Variants in CATSPER1 observed in about 807,000 individuals in gnomAD.
CATSPER1 encodes the protein cation channel sperm associated 1.
A neutral mutation model predicts 72.7 loss-of-function variants in CATSPER1; 57 were observed. The ratio of observed to expected loss-of-function variants is 0.78; its 90% CI spans 0.63 to 0.98. CATSPER1 has a LOEUF of 0.98. Among genes scored for constraint, CATSPER1 ranks in the 50% least tolerant of loss-of-function variants. The pLI is 0.00. For missense variants in CATSPER1, 910 were observed against 1,033.9 expected (o/e 0.88, Z 1.64); for synonymous variants, 363 against 403.0 (o/e 0.90, Z 1.19).
rs200037715 is a variant in CATSPER1 at position 66,020,815 on chromosome 11, G to A, written c.1923C>T (p.Ala641=). 4 of 1,613,756 alleles carry A rather than the reference G, an allele frequency of 2.5e-6. No homozygotes were observed. The highest frequency in any genetic ancestry group is 3.4e-6 in the Non-Finnish European group (4 of 1,179,988). ...DWSLIYMDSR[A]QGAWYIIPIL... ...GCAGCCTGGGGCCTGCCCTACCCTG[G>A]GCACGGCTGTCCATGTAGATGAGGG... The change falls in exon 6 of 12, where the codon GCC becomes GCT. Residue 641 remains alanine, a synonymous_variant. Coordinates refer to ENST00000312106, the MANE Select transcript of CATSPER1 (RefSeq NM_053054.4). This position sits in a 1 kb window ranked among gnomAD's most constrained non-coding sequence, Gnocchi z 4.5.
In CATSPER1 at chr11:66,020,749, G is replaced by A. The variant is rs1424347665; in HGVS notation, c.1927+62C>T. 9 of 1,610,700 alleles carry A rather than the reference G, an allele frequency of 5.6e-6. No homozygotes were observed. In the East Asian group the frequency reaches 1.8e-4, roughly 32 times the overall value. ...GCCCCACTTTGCCGATGGGGTCACT[G>A]AGCCCTGGCCGGTCCACCCCGCCAA... is the stretch of plus-strand genomic sequence containing the variant. On this transcript the variant is annotated intron_variant, in intron 6 of 11. Transcript: ENST00000312106. The surrounding 1 kb of genome is among the most constrained non-coding windows in gnomAD (Gnocchi z 4.5).
intron 9 of CATSPER1, 145 bp downstream of exon 9, chr11:66,019,995 T>C: frequency 1.4e-6 from 1 of 723,324 alleles, no homozygotes; most frequent in African/African-American, 1.8e-5. Context: ...TAGGGTCCTC[T>C]GGACTAAAGT....
intron 9 of CATSPER1, 135 bp from the exon 10 acceptor site, chr11:66,019,037 C>T: frequency 1.4e-6 from 1 of 722,968 alleles, no homozygotes; most frequent in Non-Finnish European, 2.5e-6. Context: ...TCCGGGCATG[C>T]AGCACGATGC....
Position 66,026,292 on chromosome 11 carries a change from G to A in CATSPER1, c.88C>T (p.Pro30Ser). 6.2e-7 allele frequency: 1 copy of A among 1,614,226 alleles called. No homozygotes were observed. Among genetic ancestry groups the A allele is most frequent in the Non-Finnish European group, 8.5e-7 (1 of 1,180,026 alleles). The change falls in exon 1 of 12, where the codon CCA becomes TCA. Residue 30 changes from proline to serine, a missense_variant. Transcript: ENST00000312106. ...CTGCTGTGGCCTGGCCTGTGGTGTG[G>A]GGGTGATGAGTGAGAGCGAAAGAAC... ...DRFFRSHSSP[P>S]HHRPGHSRAL...
chr11:66,017,426 A>G (rs1328716084), intron 10 of CATSPER1, among the ~76,000 whole-genome samples: 1 of 145,844 alleles, frequency 6.9e-6, no homozygotes, highest in East Asian at 2.0e-4. Flanking sequence ...CCCATTTGTC[A>G]GCCCCATTCC....
intron 1 of CATSPER1, among the ~76,000 whole-genome samples, chr11:66,023,367 G>A (rs1183169285): frequency 6.6e-6 from 1 of 151,688 alleles, no homozygotes; most frequent in Non-Finnish European, 1.5e-5. Context: ...GGAGTCCAAG[G>A]CCATGAAGTA....
intron 4 of CATSPER1, 65 bp downstream of exon 4, chr11:66,021,431 G>C (rs564210848): frequency 6.3e-7 from 1 of 1,580,574 alleles, no homozygotes; most frequent in Non-Finnish European, 8.6e-7. Context: ...ATTTCTTTGG[G>C]GCCCTGGTCT....
chr11:66,020,539 C>G lies in CATSPER1; in HGVS notation c.1991+25G>C, dbSNP rs757909225. 6.2e-7 allele frequency: 1 copy of G among 1,606,634 alleles called. No individual in the cohort carries two copies. The highest frequency in any genetic ancestry group is 2.2e-5 in the East Asian group (1 of 44,828). ...AGGAGGAAGTGTGGGTGGTGCTGGG[C>G]AGCAGAGCAGGGGTGAGTCCTCACT... On this transcript the variant is annotated intron_variant, in intron 7 of 11. Coordinates refer to ENST00000312106, the MANE Select transcript of CATSPER1 (RefSeq NM_053054.4). This position sits in a 1 kb window ranked among gnomAD's most constrained non-coding sequence, Gnocchi z 4.5.
Position 66,017,106 on chromosome 11 carries a change from C to T in CATSPER1, c.2270G>A (p.Arg757His), listed in dbSNP as rs748502205. The part of the protein sequence containing the change: ...ASVEQEQQKF[R>H]SQAAVIDEIV... ...CTCATCGATGACGGCTGCCTGGGAG[C>T]GGAACTTCTGCTGCTCCTGCTCCAC... Residue 757 changes from arginine (R) to histidine (H), a missense_variant, in exon 11 of 12, where the codon CGC becomes CAC. Arg to His is a conservative substitution (Grantham distance 29). Coordinates refer to ENST00000312106, the MANE Select transcript of CATSPER1 (RefSeq NM_053054.4). 48 of 1,605,720 alleles carry T rather than the reference C, an allele frequency of 3.0e-5. No individual in the cohort carries two copies. Among genetic ancestry groups the T allele is most frequent in the East Asian group, 6.8e-5 (3 of 44,276 alleles).
rs1414336316 is a variant in CATSPER1, at chr11:66,016,934, G to A, written c.2317-18C>T. 3 of 1,613,944 alleles carry A rather than the reference G, an allele frequency of 1.9e-6. No individual in the cohort carries two copies. The highest frequency in any genetic ancestry group is 2.5e-6 in the Non-Finnish European group (3 of 1,179,994). On this transcript the variant is annotated intron_variant, in intron 11 of 11. Coordinates refer to ENST00000312106, the MANE Select transcript of CATSPER1 (RefSeq NM_053054.4). ...TCTCCAGCCTGCAGGGGTGAGTGGG[G>A]CACTGGTGGGTGAATGAGCCAGACT...
At chr11:66,024,126 G>T (rs1335936471) in intron 1 of CATSPER1, among the ~76,000 whole-genome samples, 1 of 151,392 alleles carries the variant, frequency 6.6e-6, no homozygotes, top group Non-Finnish European at 1.5e-5. Context: ...ACCACACCCG[G>T]CTAATTTTTG....
At chr11:66,019,017 A>AGAAGCAACCTCCT in intron 9 of CATSPER1, 115 bp from the exon 10 acceptor site, 1 of 865,410 alleles carries the variant, frequency 1.2e-6, no homozygotes, top group Non-Finnish European at 1.9e-6. Context: ...CTGCTCCAGG[A>AGAAGCAACCTCCT]GGTTGCTTCT....
At chr11:66,021,308 C>T in intron 4 of CATSPER1, 123 bp from the exon 5 acceptor site, 1 of 1,213,392 alleles carries the variant, frequency 8.2e-7, no homozygotes, top group African/African-American at 1.5e-5. Context: ...TTGGGTGAGT[C>T]CTGGCCCCTC....
Position 66,020,488 on chromosome 11 carries a change from G to A in CATSPER1, c.1991+76C>T. 3 of 1,600,334 alleles carry A rather than the reference G, an allele frequency of 1.9e-6. No individual in the cohort carries two copies. The highest frequency in any genetic ancestry group is 2.6e-6 in the Non-Finnish European group (3 of 1,167,818). ...TCAGCGTGGCATGACCAGGGTGAGA[G>A]GGCTGGGGTAAGGGTCCCAGGGGAG... On this transcript the variant is annotated intron_variant, in intron 7 of 11. Transcript: ENST00000312106. The surrounding 1 kb of genome is among the most constrained non-coding windows in gnomAD (Gnocchi z 4.5).
At chr11:66,018,750 T>C (rs997053664) in intron 10 of CATSPER1, 77 bp downstream of exon 10, 2 of 1,476,342 alleles carry the variant, frequency 1.4e-6, no homozygotes, top group African/African-American at 2.8e-5. Context: ...GCAATGTCCC[T>C]TTCCCTCCAG....
At chr11:66,022,638 G>T (rs1856398692) in intron 2 of CATSPER1, among the ~76,000 whole-genome samples, 1 of 152,246 alleles carries the variant, frequency 6.6e-6, no homozygotes, top group African/African-American at 2.4e-5. Context: ...GAACAGCACC[G>T]CCTCCCGCCT....
Position 66,025,302 on chromosome 11 carries a change from C to A in CATSPER1, c.1078G>T (p.Ala360Ser), listed in dbSNP as rs1285062374. The A allele has an allele frequency of 6.2e-7, 1 of 1,614,116 alleles. No individual in the cohort carries two copies. Among genetic ancestry groups the A allele is most frequent in the South Asian group, 1.1e-5 (1 of 91,086 alleles). ...CTGGAGGACCGAGTCATGCTGTGAG[C>A]CGAGCCCCGTGGGTGTGCTACGTGA... ...PYHVAHPRGS[A>S]HSMTRSSSTI... Residue 360 changes from alanine (A) to serine (S), a missense_variant, in exon 1 of 12, where the codon GCT becomes TCT. Physicochemically the swap from Ala to Ser is moderately conservative, Grantham distance 99. Coordinates refer to ENST00000312106, the MANE Select transcript of CATSPER1 (RefSeq NM_053054.4).
intron 9 of CATSPER1, among the ~76,000 whole-genome samples, chr11:66,019,427 C>T (rs982603172): frequency 1.3e-5 from 2 of 152,074 alleles, no homozygotes; most frequent in Non-Finnish European, 2.9e-5. Context: ...CTGGTGCCCA[C>T]CACCATGCCC....
At chr11:66,017,834 G>A (rs1025789615) in intron 10 of CATSPER1, among the ~76,000 whole-genome samples, 3 of 152,228 alleles carry the variant, frequency 2.0e-5, no homozygotes, top group Non-Finnish European at 2.9e-5. Context: ...GGGCCCAGAG[G>A]AGGGAAACCT....
Sources: allele counts gnomAD v4.1 joint callset (sites outside exome capture counted in the v4.1 genomes callset), GRCh38; gene constraint gnomAD v4.1.1; non-coding constraint Gnocchi (gnomAD v3.1); transcripts MANE v1.5; gene names NCBI Gene and HGNC (gene_info 2026-07-23, HGNC 2026-07-21).